MTR: variants seen among roughly 807,000 people sequenced by gnomAD.
MTR encodes 5-methyltetrahydrofolate-homocysteine methyltransferase, also known as methionine synthase.
Under a neutral mutation model 154.8 loss-of-function variants are expected in MTR, and 84 were observed. That is an observed-to-expected ratio of 0.54 (90% confidence interval 0.45 to 0.65). MTR has a LOEUF of 0.65. Ranked by LOEUF, MTR falls within the 30% of genes least tolerant of loss-of-function variation. MTR has a pLI of 0.00. For missense variants in MTR, 1,275 were observed against 1,570.2 expected (o/e 0.81, Z 3.18); for synonymous variants, 554 against 553.9 (o/e 1.00, Z 0.00).
At chr1:236,815,564 C>A (rs778066135) in intron 6 of MTR, 40 bp from the exon 7 acceptor site, 1 of 1,605,672 alleles carries the variant, frequency 6.2e-7, no homozygotes, top group African/African-American at 1.3e-5. Flanking sequence ...CTTGGACACA[C>A]TCTCAGAAAT....
In MTR at chr1:236,829,548, T is replaced by C. The variant is rs780719409; in HGVS notation, c.1075+280T>C. Among the ~76,000 whole-genome samples, 67 of 152,204 alleles carry C rather than the reference T, an allele frequency of 4.4e-4. 1 individual carries two copies. The highest frequency in any genetic ancestry group is 7.8e-4 in the Non-Finnish European group (53 of 68,014). ...CGATGGTCCTATCTTTATTGTCCAC[T>C]GTTTTGAAAACATACTCTTGGCCAC... On this transcript the variant is annotated intron_variant, in intron 12 of 32. Coordinates refer to ENST00000366577, the MANE Select transcript of MTR (RefSeq NM_000254.3).
intron 22 of MTR, 83 bp downstream of exon 22, chr1:236,863,637 G>T: frequency 8.3e-7 from 1 of 1,198,954 alleles, no homozygotes; most frequent in Non-Finnish European, 1.2e-6. Context: ...CAATGGGTGG[G>T]AAGAGTAGGG....
intron 14 of MTR, 116 bp from the exon 15 acceptor site, chr1:236,838,298 C>G: frequency 9.5e-7 from 1 of 1,050,638 alleles, no homozygotes; most frequent in Non-Finnish European, 1.4e-6. Flanking sequence ...TGACATACTA[C>G]TATTTTTTGT....
At chr1:236,802,798 G>A (rs879224529) in intron 1 of MTR, among the ~76,000 whole-genome samples, 2 of 152,156 alleles carry the variant, frequency 1.3e-5, no homozygotes, top group Admixed American at 6.5e-5. Context: ...GCATAGTTTT[G>A]TGGCTTTCCA....
intron 3 of MTR, among the ~76,000 whole-genome samples, chr1:236,807,436 A>G (rs528599802): frequency 6.6e-6 from 1 of 152,168 alleles, no homozygotes; most frequent in Non-Finnish European, 1.5e-5. Context: ...GGCCTCCCAA[A>G]GTGCTGGGAT....
At position 236,803,573 on chromosome 1, in the gene MTR, C is replaced by T; in HGVS notation, c.180C>T (p.Ala60=). The T allele has an allele frequency of 6.2e-7, 1 of 1,614,098 alleles. No individual in the cohort carries two copies. Among genetic ancestry groups the T allele is most frequent in the Non-Finnish European group, 8.5e-7 (1 of 1,180,004 alleles). ...GAGGTCAGGAATTTAAAGATCATGC[C>T]AGGCCGCTGAAAGGCAACAATGACA... ...HFRGQEFKDH[A]RPLKGNNDIL... The change falls in exon 2 of 33, where the codon GCC becomes GCT. Residue 60 remains alanine (A), a synonymous_variant. Coordinates refer to ENST00000366577, the MANE Select transcript of MTR (RefSeq NM_000254.3).
At chr1:236,894,296 T>C in intron 29 of MTR, 61 bp from the exon 30 acceptor site, 3 of 1,520,236 alleles carry the variant, frequency 2.0e-6, no homozygotes, top group Non-Finnish European at 2.7e-6. Context: ...CTTCATGGTG[T>C]GCTGGCGCCA....
At chr1:236,830,392 A>G (rs951243920) in intron 12 of MTR, among the ~76,000 whole-genome samples, 1 of 151,800 alleles carries the variant, frequency 6.6e-6, no homozygotes, top group East Asian at 1.9e-4. Context: ...AAATTGAAAC[A>G]AGAGAGCCAT....
At chr1:236,838,368 A>G in intron 14 of MTR, 46 bp from the exon 15 acceptor site, 2 of 1,591,456 alleles carry the variant, frequency 1.3e-6, no homozygotes, top group Non-Finnish European at 8.6e-7. Context: ...AGTAATTTAT[A>G]GTGACCTGTG....
chr1:236,860,982 C>A, intron 19 of MTR, 143 bp from the exon 20 acceptor site: 1 of 667,834 alleles, frequency 1.5e-6, no homozygotes, highest in Non-Finnish European at 2.5e-6. Context: ...TGATAGGAAG[C>A]CAGATTGAGT....
At chr1:236,826,662 T>C (rs1467975900) in intron 10 of MTR, among the ~76,000 whole-genome samples, 167 bp from the exon 11 acceptor site, 2 of 152,248 alleles carry the variant, frequency 1.3e-5, no homozygotes, top group Non-Finnish European at 2.9e-5. Flanking sequence ...TTTTATCCTA[T>C]GTCTAGGGCA....
In MTR at chr1:236,895,427, G is replaced by T; in HGVS notation, c.3475G>T (p.Asp1159Tyr). Reference protein sequence around the residue: ...LWAYCGSEQLDVADLRRLRYK... With the variant: ...LWAYCGSEQLYVADLRRLRYK... The stretch of plus-strand genomic sequence containing the variant: ...GGCCTACTGTGGCAGTGAGCAGCTG[G>T]ACGTCGCAGACCTGCGCAGGCTGCG... The change falls in exon 31 of 33, where the codon GAC becomes TAC. Residue 1159 changes from aspartate (D) to tyrosine (Y), a missense_variant. Coordinates refer to ENST00000366577, the MANE Select transcript of MTR (RefSeq NM_000254.3). 1 of 1,604,512 alleles carries T rather than the reference G, an allele frequency of 6.2e-7. No individual in the cohort carries two copies. Among genetic ancestry groups the T allele is most frequent in the Non-Finnish European group, 8.5e-7 (1 of 1,175,268 alleles).
At position 236,861,273 on chromosome 1, in the gene MTR, C is replaced by T. The variant is rs1428030950; in HGVS notation, c.2192C>T (p.Pro731Leu). ...DLFGAGKMFL[P>L]QVIKSARVMK... ...TTTGGAGCTGGAAAAATGTTTCTAC[C>T]TCAGGTTAGCAAAATATGGGGAGAA... is the stretch of plus-strand genomic sequence containing the variant. The change falls in exon 20 of 33, where the codon CCT (proline) becomes CTT (leucine). Residue 731 changes from proline (P) to leucine (L), a missense_variant. Transcript: ENST00000366577. The T allele has an allele frequency of 6.2e-7, 1 of 1,613,604 alleles. No individual in the cohort carries two copies. Among genetic ancestry groups the T allele is most frequent in the Non-Finnish European group, 8.5e-7 (1 of 1,179,912 alleles).
At position 236,885,106 on chromosome 1, in the gene MTR, A is replaced by G. The variant is rs199566537; in HGVS notation, c.2677-15A>G. On this transcript the variant is annotated splice_polypyrimidine_tract_variant and intron_variant, in intron 25 of 32. Transcript: ENST00000366577. ...TATCATCTTTTGCTCATCTATGGCTATCTTGCATTTTCAGTGTTCCCAGCT... is the reference window on the plus strand; with the variant it reads ...TATCATCTTTTGCTCATCTATGGCTGTCTTGCATTTTCAGTGTTCCCAGCT... 5.3e-6 allele frequency: 8 copies of G among 1,514,830 alleles called. No individual in the cohort carries two copies. Among genetic ancestry groups the G allele is most frequent in the Admixed American group, 3.3e-5 (2 of 59,900 alleles). The allele number at this position is 1,514,830 out of a possible 1,614,324, so 93.8% of individuals were successfully genotyped here.
chr1:236,822,135 A>G (rs1661993418), intron 8 of MTR, among the ~76,000 whole-genome samples: 1 of 152,182 alleles, frequency 6.6e-6, no homozygotes, highest in Non-Finnish European at 1.5e-5. Flanking sequence ...ATATAGATCA[A>G]GGGTGAGAAA....
chr1:236,861,455 T>A (rs1359267414), intron 20 of MTR, among the ~76,000 whole-genome samples, 178 bp downstream of exon 20: 1 of 152,166 alleles, frequency 6.6e-6, no homozygotes, highest in Non-Finnish European at 1.5e-5. Flanking sequence ...GTCTTCAGAG[T>A]GGTGTGGATG....
At chr1:236,882,716 G>C (rs1327279349) in intron 25 of MTR, among the ~76,000 whole-genome samples, 3 of 152,198 alleles carry the variant, frequency 2.0e-5, no homozygotes, top group African/African-American at 7.2e-5. Flanking sequence ...TGAAGAGCTA[G>C]AGCAGTGGGG....
At chr1:236,839,193 T>C (rs1026624211) in intron 15 of MTR, among the ~76,000 whole-genome samples, 1 of 152,210 alleles carries the variant, frequency 6.6e-6, no homozygotes, top group Admixed American at 6.5e-5. Context: ...TTGGGATGAC[T>C]GGCTGTGCAT....
intron 18 of MTR, among the ~76,000 whole-genome samples, chr1:236,854,568 A>G (rs772563719): frequency 9.2e-5 from 14 of 152,102 alleles, no homozygotes; most frequent in East Asian, 3.9e-4. Context: ...ATAACTGTCA[A>G]AGAGTTCTGT....
Sources: allele counts gnomAD v4.1 joint callset (sites outside exome capture counted in the v4.1 genomes callset), GRCh38; gene constraint gnomAD v4.1.1; transcripts MANE v1.5; gene names NCBI Gene and HGNC (gene_info 2026-07-23, HGNC 2026-07-21).